The following NRXN1 variants were observed in gnomAD, a reference collection of about 807,000 sequenced individuals.
The protein encoded by NRXN1 is neurexin 1, also known as neurexin-1.
In NRXN1, 39 loss-of-function variants were observed where a neutral mutation model predicts 150.9. The observed-to-expected ratio is 0.26, with a 90% confidence interval of 0.20 to 0.34. NRXN1 has a LOEUF of 0.34. Ranked by LOEUF, NRXN1 falls within the 10% of genes least tolerant of loss-of-function variation. NRXN1 has a pLI of 1.00. For synonymous variants in NRXN1, 924 were observed against 757.0 expected, an observed-to-expected ratio of 1.22 and a Z score of -3.62; for missense variants, 1,815 against 1,949.9, an observed-to-expected ratio of 0.93 and a Z score of 1.30.
intron 18 of NRXN1, among the ~76,000 whole-genome samples, chr2:50,217,751 T>G (rs955562210): frequency 6.6e-6 from 1 of 152,060 alleles, no homozygotes; most frequent in African/African-American, 2.4e-5. Flanking sequence ...ACAGCAAAGC[T>G]TTAGACTCTT....
intron 5 of NRXN1, among the ~76,000 whole-genome samples, chr2:50,781,713 T>G (rs981473650): frequency 1.2e-4 from 18 of 152,246 alleles, no homozygotes; most frequent in African/African-American, 4.3e-4. Flanking sequence ...AAATATCAAG[T>G]TATTCTGGTA....
chr2:49,979,885 T>C (rs1247329960), intron 21 of NRXN1, among the ~76,000 whole-genome samples: 4 of 147,268 alleles, frequency 2.7e-5, no homozygotes, highest in Non-Finnish European at 6.0e-5. Flanking sequence ...AAATTCCACA[T>C]AGTCTTATAT....
At chr2:50,947,702 C>T (rs1690619378) in intron 2 of NRXN1, among the ~76,000 whole-genome samples, 1 of 151,936 alleles carries the variant, frequency 6.6e-6, no homozygotes, top group African/African-American at 2.4e-5. Context: ...AGGAATAGGG[C>T]ACTCCTGCCT....
intron 21 of NRXN1, among the ~76,000 whole-genome samples, chr2:50,026,044 G>T (rs1002498916): frequency 6.6e-6 from 1 of 152,056 alleles, no homozygotes; most frequent in African/African-American, 2.4e-5. Flanking sequence ...CCATATACAG[G>T]CATATGGCTT....
intron 5 of NRXN1, among the ~76,000 whole-genome samples, chr2:50,680,245 T>G (rs1245809884): frequency 6.6e-6 from 1 of 152,112 alleles, no homozygotes; most frequent in Non-Finnish European, 1.5e-5. Flanking sequence ...ATCTGATGCC[T>G]GTATGAATTA....
Position 49,958,407 on chromosome 2 carries a change from G to C in NRXN1, c.4129-14616C>G, listed in dbSNP as rs116498829. 8.0e-3 allele frequency among the ~76,000 whole-genome samples: 1,209 copies of C among 151,980 alleles called. 12 individuals are homozygous for C. The highest frequency in any genetic ancestry group is 0.028 in the African/African-American group (1,161 of 41,426). ...TCCTCTCTTGGATAGCTTTCCTCTT[G>C]CCAGCCTTGCATTTACAGTCTGTCT... On this transcript the variant is annotated intron_variant, in intron 21 of 22. Coordinates refer to ENST00000401669, the MANE Select transcript of NRXN1 (RefSeq NM_001330078.2).
intron 2 of NRXN1, among the ~76,000 whole-genome samples, chr2:50,941,941 A>G (rs1689516709): frequency 6.6e-6 from 1 of 152,214 alleles, no homozygotes; most frequent in Admixed American, 6.5e-5. Context: ...ATCTTTGGGT[A>G]GCCCCTCCCA....
At chr2:49,960,665 C>A (rs1186488479) in intron 21 of NRXN1, among the ~76,000 whole-genome samples, 2 of 152,110 alleles carry the variant, frequency 1.3e-5, no homozygotes, top group Non-Finnish European at 2.9e-5. Flanking sequence ...AAAGTGAAAG[C>A]ACACAATCCA....
intron 15 of NRXN1, among the ~76,000 whole-genome samples, chr2:50,485,409 C>T (rs1208617614): frequency 1.3e-5 from 2 of 152,196 alleles, no homozygotes; most frequent in East Asian, 3.9e-4. Flanking sequence ...TGAGTTTGTG[C>T]TCCTACATTC....
chr2:50,148,012 A>G (rs1011636925), intron 18 of NRXN1, among the ~76,000 whole-genome samples: 2 of 151,702 alleles, frequency 1.3e-5, no homozygotes, highest in Non-Finnish European at 3.0e-5. Flanking sequence ...AGAGTTCTAC[A>G]GGTTCTCCAG....
intron 21 of NRXN1, among the ~76,000 whole-genome samples, chr2:49,995,861 TAAAAAAAAAAAAAAAA>T (rs60974625): frequency 1.5e-5 from 1 of 66,174 alleles, no homozygotes; most frequent in Admixed American, 1.9e-4. Context: ...TGCTGGATAG[TAAAAAAAAAAAAAAAA>T]AAAAAAGAAA....
chr2:50,036,644 C>T (rs1690087145), intron 21 of NRXN1, among the ~76,000 whole-genome samples: 1 of 152,114 alleles, frequency 6.6e-6, no homozygotes, highest in Non-Finnish European at 1.5e-5. Context: ...TAATTACAAA[C>T]ATGGCCAAAA....
At position 50,531,321 on chromosome 2, in the gene NRXN1, T is replaced by C. The variant is rs199648817; in HGVS notation, c.2253A>G (p.Ala751=). 4.2e-5 allele frequency: 68 copies of C among 1,613,496 alleles called. No individual in the cohort carries two copies. Among genetic ancestry groups the C allele is most frequent in the Middle Eastern group, 3.3e-4 (2 of 6,082 alleles). ...DVSLRFRSQR[A]YGILMATTSR... is the part of the protein sequence containing the mutation. ...AAGTGGTTGCCATCAGAATGCCATA[T>C]GCACGCTGGGATCGGAACCGTAAGG... Residue 751 remains alanine (A), a synonymous_variant, in exon 11 of 23, where the codon GCA becomes GCG. Transcript: ENST00000401669.
chr2:50,577,616 C>T (rs1024046686), intron 8 of NRXN1, among the ~76,000 whole-genome samples: 18 of 151,960 alleles, frequency 1.2e-4, no homozygotes, highest in Non-Finnish European at 1.5e-5. Context: ...AGAATATACT[C>T]CATTATATCT....
chr2:50,447,528 C>G (rs1303901790), intron 17 of NRXN1, among the ~76,000 whole-genome samples: 1 of 137,934 alleles, frequency 7.2e-6, no homozygotes, highest in African/African-American at 2.7e-5. Flanking sequence ...CAGAAAAGGT[C>G]GATCTGAAAT....
chr2:50,166,897 T>C (rs923905596), intron 18 of NRXN1, among the ~76,000 whole-genome samples: 1 of 152,032 alleles, frequency 6.6e-6, no homozygotes, highest in African/African-American at 2.4e-5. Flanking sequence ...TTTAAAACAT[T>C]TGTTGAGGGT....
At chr2:50,830,933 T>C (rs992706067) in intron 5 of NRXN1, among the ~76,000 whole-genome samples, 8 of 152,040 alleles carry the variant, frequency 5.3e-5, no homozygotes, top group Non-Finnish European at 1.0e-4. Context: ...TATTTATTTG[T>C]ATTACTTTTA....
At chr2:50,212,387 C>T (rs545773034) in intron 18 of NRXN1, among the ~76,000 whole-genome samples, 1 of 151,294 alleles carries the variant, frequency 6.6e-6, no homozygotes, top group East Asian at 2.0e-4. Flanking sequence ...AGCATTCCCT[C>T]TTCACCTATA....
intron 18 of NRXN1, among the ~76,000 whole-genome samples, chr2:50,219,856 C>G (rs1434699686): frequency 4.9e-5 from 7 of 143,862 alleles, no homozygotes; most frequent in Admixed American, 2.2e-4. Context: ...CACTACTGTA[C>G]TCTAATGAGA....
Sources: allele counts gnomAD v4.1 joint callset (sites outside exome capture counted in the v4.1 genomes callset), GRCh38; gene constraint gnomAD v4.1.1; transcripts MANE v1.5; gene names NCBI Gene and HGNC (gene_info 2026-07-23, HGNC 2026-07-21).